ARHGAP32: variants seen among roughly 807,000 people sequenced by gnomAD.
The protein encoded by ARHGAP32 is Rho GTPase activating protein 32.
In ARHGAP32, 51 loss-of-function variants were observed where a neutral mutation model predicts 186.5. That is an observed-to-expected ratio of 0.27 (90% CI 0.22 to 0.35). The LOEUF is 0.35. ARHGAP32 is among the 10% of genes least tolerant of loss of function. The pLI is 1.00. For synonymous variants in ARHGAP32, 950 were observed against 964.3 expected (o/e 0.99, Z 0.27); for missense variants, 2,186 against 2,623.5 (o/e 0.83, Z 3.64).
chr11:129,111,948 G>C (rs1175044494), intron 5 of ARHGAP32, among the ~76,000 whole-genome samples: 1 of 152,020 alleles, frequency 6.6e-6, no homozygotes, highest in Non-Finnish European at 1.5e-5. Context: ...TTTTAGTAGA[G>C]ATGGGGTTTC....
chr11:129,267,115 G>C (rs1019255542), intron 1 of ARHGAP32, among the ~76,000 whole-genome samples: 6 of 152,162 alleles, frequency 3.9e-5, no homozygotes, highest in Non-Finnish European at 2.9e-5. Flanking sequence ...CAAACTCAGA[G>C]TTGGGAGGCC....
At chr11:129,103,667 A>G (rs1941968780) in intron 5 of ARHGAP32, among the ~76,000 whole-genome samples, 1 of 152,124 alleles carries the variant, frequency 6.6e-6, no homozygotes, top group African/African-American at 2.4e-5. Context: ...TACATGACTC[A>G]TGGTGGAAAA....
intron 1 of ARHGAP32, among the ~76,000 whole-genome samples, chr11:129,201,592 T>A (rs907247249): frequency 6.6e-6 from 1 of 152,142 alleles, no homozygotes; most frequent in African/African-American, 2.4e-5. Flanking sequence ...ATATAATTGT[T>A]AAATAAAATC....
chr11:129,019,548 A>C (rs560788612), intron 11 of ARHGAP32, among the ~76,000 whole-genome samples: 1 of 152,264 alleles, frequency 6.6e-6, no homozygotes, highest in African/African-American at 2.4e-5. Flanking sequence ...CTTAAATGTA[A>C]TAAGTTATCA....
intron 6 of ARHGAP32, among the ~76,000 whole-genome samples, chr11:129,074,595 G>C (rs1381604393): frequency 6.6e-6 from 1 of 152,126 alleles, no homozygotes; most frequent in Non-Finnish European, 1.5e-5. Context: ...CCAGGTTCAA[G>C]CGATTCTCCT....
chr11:129,029,595 AG>A (rs1939010533), intron 11 of ARHGAP32, among the ~76,000 whole-genome samples: 1 of 152,034 alleles, frequency 6.6e-6, no homozygotes, highest in African/African-American at 2.4e-5. Flanking sequence ...TGAGGTCAGG[AG>A]ATCGAGACCA....
In ARHGAP32 at chr11:128,973,029, T is replaced by A. The variant is rs144380130; in HGVS notation, c.3477A>T (p.Val1159=). The A allele has an allele frequency of 2.5e-6, 4 of 1,614,160 alleles. No individual in the cohort carries two copies. Among genetic ancestry groups the A allele is most frequent in the Non-Finnish European group, 3.4e-6 (4 of 1,180,028 alleles). Residue 1159 remains valine (V), a synonymous_variant, in exon 22 of 23, where the codon GTA becomes GTT. Coordinates refer to ENST00000682385, the MANE Select transcript of ARHGAP32 (RefSeq NM_001378024.1). ...TTESGEQHHQ[V]DLTGNQPHQA... The stretch of plus-strand genomic sequence containing the variant: ...GATGTGGCTGATTCCCTGTTAAGTC[T>A]ACTTGGTGATGTTGCTCCCCAGATT...
At chr11:129,003,159 T>C (rs1409224257) in intron 11 of ARHGAP32, among the ~76,000 whole-genome samples, 3 of 152,228 alleles carry the variant, frequency 2.0e-5, no homozygotes, top group Non-Finnish European at 4.4e-5. Flanking sequence ...TATGGTATTG[T>C]CCTTCATTCT....
At chr11:128,977,265 C>T (rs144112296) in intron 19 of ARHGAP32, among the ~76,000 whole-genome samples, 16 of 152,322 alleles carry the variant, frequency 1.1e-4, no homozygotes, top group Admixed American at 9.8e-4. Flanking sequence ...CTCTGGGATA[C>T]TAACACAGGT....
intron 1 of ARHGAP32, among the ~76,000 whole-genome samples, chr11:129,248,792 A>C (rs758475002): frequency 1.3e-5 from 2 of 152,190 alleles, no homozygotes; most frequent in African/African-American, 2.4e-5. Flanking sequence ...CTCAAGCTAG[A>C]GTTAACTATG....
chr11:129,016,034 C>T (rs565047431), intron 11 of ARHGAP32, among the ~76,000 whole-genome samples: 1 of 152,268 alleles, frequency 6.6e-6, no homozygotes, highest in Non-Finnish European at 1.5e-5. Flanking sequence ...ATGTATTTTT[C>T]AGTCCTCATT....
At chr11:129,153,552 G>A (rs1248007353) in intron 2 of ARHGAP32, among the ~76,000 whole-genome samples, 1 of 152,052 alleles carries the variant, frequency 6.6e-6, no homozygotes, top group Non-Finnish European at 1.5e-5. Context: ...TAGACCAATG[G>A]AACAGAATAA....
chr11:129,249,298 T>TA (rs907707280), intron 1 of ARHGAP32, among the ~76,000 whole-genome samples: 8 of 152,126 alleles, frequency 5.3e-5, no homozygotes, highest in East Asian at 3.9e-4. Context: ...CAGTATGTAT[T>TA]AAAAAAAGTA....
chr11:129,020,931 T>C (rs554131414), intron 11 of ARHGAP32, among the ~76,000 whole-genome samples: 2 of 152,148 alleles, frequency 1.3e-5, no homozygotes, highest in South Asian at 2.1e-4. Flanking sequence ...CTGATGTATA[T>C]AACAGCTGCA....
At chr11:129,275,350 C>T (rs1262766553) in intron 1 of ARHGAP32, among the ~76,000 whole-genome samples, 2 of 152,120 alleles carry the variant, frequency 1.3e-5, no homozygotes, top group Non-Finnish European at 2.9e-5. Context: ...TACAACCTTC[C>T]AAGGTAGATA....
At chr11:129,200,974 T>C (rs895519959) in intron 1 of ARHGAP32, among the ~76,000 whole-genome samples, 1 of 152,104 alleles carries the variant, frequency 6.6e-6, no homozygotes, top group Non-Finnish European at 1.5e-5. Context: ...AAGAAAAAAG[T>C]CCCTATTAAG....
At chr11:129,163,331 A>T (rs1943567825) in intron 2 of ARHGAP32, among the ~76,000 whole-genome samples, 2 of 152,160 alleles carry the variant, frequency 1.3e-5, no homozygotes, top group Admixed American at 1.3e-4. Context: ...CAAAAGAAGA[A>T]TTTCTTCATT....
At chr11:129,206,945 C>A (rs1197191703) in intron 1 of ARHGAP32, among the ~76,000 whole-genome samples, 2 of 152,032 alleles carry the variant, frequency 1.3e-5, no homozygotes, top group Non-Finnish European at 2.9e-5. Flanking sequence ...TGATGTTCCC[C>A]TCTCTGTGTC....
At chr11:129,253,041 A>T (rs1358116985) in intron 1 of ARHGAP32, among the ~76,000 whole-genome samples, 1 of 152,206 alleles carries the variant, frequency 6.6e-6, no homozygotes, top group Non-Finnish European at 1.5e-5. Context: ...AATATCTTTC[A>T]CAACTAGGGT....
Sources: allele counts gnomAD v4.1 joint callset (sites outside exome capture counted in the v4.1 genomes callset), GRCh38; gene constraint gnomAD v4.1.1; transcripts MANE v1.5; gene names NCBI Gene and HGNC (gene_info 2026-07-23, HGNC 2026-07-21).